Variants in CDH23 observed in about 807,000 individuals in gnomAD.
The protein encoded by CDH23 is cadherin-23.
CDH23 carries 189 observed loss-of-function variants against 317.1 expected under a neutral mutation model. That is an observed-to-expected ratio of 0.60 (90% CI 0.53 to 0.67). The LOEUF is 0.67. CDH23 is among the 30% of genes least tolerant of loss of function. The pLI is 0.00. For missense variants in CDH23, 4,401 were observed against 4,592.4 expected, an observed-to-expected ratio of 0.96 and a Z score of 1.20; for synonymous variants, 1,839 against 1,876.8, an observed-to-expected ratio of 0.98 and a Z score of 0.52.
intron 38 of CDH23, chr10:71,750,042 C>A (rs1267376416): frequency 1.3e-5 from 2 of 152,384 alleles, no homozygotes; most frequent in African/African-American, 4.8e-5. Flanking sequence ...CCCTGTTTTA[C>A]CCCCAGAGTG....
At position 71,702,173 on chromosome 10, in the gene CDH23, C is replaced by T. The variant is rs1404916911; in HGVS notation, c.2549C>T (p.Ala850Val). The change falls in exon 23 of 70, where the codon GCC (alanine) becomes GTC (valine). Residue 850 changes from alanine (A) to valine (V), a missense_variant. By Grantham distance (64) the Ala-to-Val change is moderately conservative (BLOSUM62 0). Coordinates refer to ENST00000224721, the MANE Select transcript of CDH23 (RefSeq NM_022124.6). ...CGGGAGAACCCCGACCCCCATGAGG[C>T]CGAGCTGATGCGCAAAATCGTCGTC... is the stretch of plus-strand genomic sequence containing the variant. ...LDRENPDPHEAELMRKIVVSV... is the reference protein window; with the variant it reads ...LDRENPDPHEVELMRKIVVSV... 5 of 1,613,736 alleles carry T rather than the reference C, an allele frequency of 3.1e-6. No homozygotes were observed. In the Admixed American group the frequency reaches 8.3e-5, roughly 27 times the overall value.
In CDH23 at chr10:71,739,733, G is replaced by T. The variant is rs922475771; in HGVS notation, c.4449G>T (p.Arg1483Ser). 3.7e-6 allele frequency: 6 copies of T among 1,613,194 alleles called. No individual in the cohort carries two copies. The highest frequency in any genetic ancestry group is 5.1e-6 in the Non-Finnish European group (6 of 1,179,626). ...CCATTGGCGAAGTGTTTGTGGCCAG[G>T]CCCCTGGACAGAGAAGAGCTGGATC... is the stretch of plus-strand genomic sequence containing the variant. The part of the protein sequence containing the change: ...NDSIGEVFVA[R>S]PLDREELDHY... Residue 1483 changes from arginine (R) to serine (S), a missense_variant, in exon 36 of 70, where the codon AGG becomes AGT. Arg to Ser is a moderately radical substitution (Grantham distance 110, BLOSUM62 -1). Around this residue, in one of 3 missense-constraint regions of CDH23, gnomAD observed 3,068 missense variants for 3,203.3 expected, o/e 0.96. Coordinates refer to ENST00000224721, the MANE Select transcript of CDH23 (RefSeq NM_022124.6).
At chr10:71,614,722 G>A (rs1161082241) in intron 9 of CDH23, among the ~76,000 whole-genome samples, 1 of 152,204 alleles carries the variant, frequency 6.6e-6, no homozygotes, top group Non-Finnish European at 1.5e-5. Flanking sequence ...GGCAGAGGAT[G>A]AGGACAAGAG....
chr10:71,807,381 C>T lies in CDH23; in HGVS notation c.8283C>T (p.Asn2761=), dbSNP rs397517357. The part of the protein sequence containing the change: ...TGAVDADEGP[N]AIVYYFIAAG... ...CAGTGGATGCAGATGAGGGCCCCAA[C>T]GCGATCGTGTACTACTTCATCGCAG... Residue 2761 remains asparagine, a synonymous_variant, in exon 58 of 70, where the codon AAC becomes AAT. Coordinates refer to ENST00000224721, the MANE Select transcript of CDH23 (RefSeq NM_022124.6). The T allele has an allele frequency of 6.2e-6, 10 of 1,613,794 alleles. No individual in the cohort carries two copies. Among genetic ancestry groups the T allele is most frequent in the South Asian group, 1.1e-5 (1 of 91,072 alleles).
chr10:71,639,510 C>A (rs1354714682), intron 11 of CDH23, among the ~76,000 whole-genome samples: 1 of 152,200 alleles, frequency 6.6e-6, no homozygotes, highest in Non-Finnish European at 1.5e-5. Context: ...CCTGGCATCG[C>A]ACTTGGAGCA....
At chr10:71,796,163 T>G in intron 48 of CDH23, 4 of 876,628 alleles carry the variant, frequency 4.6e-6, no homozygotes, top group Non-Finnish European at 4.1e-6. Context: ...GAATCTCAGA[T>G]ACCCCTGTAC....
rs1296273359 is a variant in CDH23 at position 71,530,030 on chromosome 10, T to TAC, written c.429+18820_429+18821dup. Among the ~76,000 whole-genome samples, 337 of 71,106 alleles carry TAC rather than the reference T, an allele frequency of 4.7e-3. 1 individual carries two copies. Among genetic ancestry groups the TAC allele is most frequent in the African/African-American group, 0.022 (319 of 14,540 alleles). 46.6% of individuals were successfully genotyped at this position (71,106 alleles called of 152,430 possible). On this transcript the variant is annotated intron_variant, in intron 6 of 69. Transcript: ENST00000224721. Reference sequence around the variant, plus strand: ...TCAGGCATTTGCACACATACACACATACAGACACACACACACACACACACA... The same window carrying TAC: ...TCAGGCATTTGCACACATACACACATACACAGACACACACACACACACACACA...
chr10:71,720,618 C>T (rs1439101319), intron 28 of CDH23, among the ~76,000 whole-genome samples: 2 of 152,206 alleles, frequency 1.3e-5, no homozygotes, highest in African/African-American at 4.8e-5. Context: ...GAGCCTCAGA[C>T]CCATTCCCTT....
chr10:71,406,246 A>G (rs1468592281), intron 1 of CDH23, among the ~76,000 whole-genome samples: 1 of 152,176 alleles, frequency 6.6e-6, no homozygotes, highest in East Asian at 1.9e-4. Flanking sequence ...AGGGAGTGAC[A>G]CAGCCTAGAA....
At chr10:71,773,503 G>A (rs1354210147) in intron 38 of CDH23, 14 of 1,497,110 alleles carry the variant, frequency 9.4e-6, no homozygotes, top group Non-Finnish European at 1.1e-5. Context: ...GGCCGGCGCG[G>A]GGAAGCCTCC....
intron 34 of CDH23, 78 bp downstream of exon 34, chr10:71,734,736 C>G: frequency 1.1e-6 from 1 of 923,518 alleles, no homozygotes; most frequent in South Asian, 1.3e-5. Flanking sequence ...TGGCCCTGGA[C>G]CTTCCCACCT....
At chr10:71,587,691 A>C (rs1221793731) in intron 9 of CDH23, among the ~76,000 whole-genome samples, 1 of 152,194 alleles carries the variant, frequency 6.6e-6, no homozygotes, top group Admixed American at 6.5e-5. Context: ...CCACCTCAGA[A>C]AAGGTCTCCA....
At chr10:71,713,113 G>C in intron 28 of CDH23, 1 of 774,222 alleles carries the variant, frequency 1.3e-6, no homozygotes, top group South Asian at 1.4e-5. Flanking sequence ...CAGAGTAGCG[G>C]GGAGAAAGAG....
chr10:71,784,358 A>G lies in CDH23; in HGVS notation c.5440A>G (p.Ile1814Val). 6.2e-7 allele frequency: 1 copy of G among 1,613,960 alleles called. No homozygotes were observed. Among genetic ancestry groups the G allele is most frequent in the Non-Finnish European group, 8.5e-7 (1 of 1,179,852 alleles). ...RKDVELDRET[I>V]AFYNLTICAR... ...GGACGTGGAGCTGGACCGGGAGACCATCGCCTTCTACAACCTGACCATCTG... is the reference window on the plus strand; with the variant it reads ...GGACGTGGAGCTGGACCGGGAGACCGTCGCCTTCTACAACCTGACCATCTG... The change falls in exon 42 of 70, where the codon ATC (isoleucine) becomes GTC (valine). Residue 1814 changes from isoleucine (I) to valine (V), a missense_variant. This residue lies in a region of CDH23 where 3,068 missense variants were observed against 3,203.3 expected (regional missense o/e 0.96). Transcript: ENST00000224721.
rs945983865 is a variant in CDH23 at position 71,785,073 on chromosome 10, C to T, written c.5685C>T (p.Arg1895=). Residue 1895 remains arginine (R), a synonymous_variant, in exon 43 of 70, where the codon CGC becomes CGT. Coordinates refer to ENST00000224721, the MANE Select transcript of CDH23 (RefSeq NM_022124.6). ...RLTFNITAGN[R]ERAFFINATT... Reference sequence around the variant, plus strand: ...CCTTCAACATCACTGCGGGCAACCGCGAGCGGGCCTTCTTCATCAATGCCA... The same window carrying T: ...CCTTCAACATCACTGCGGGCAACCGTGAGCGGGCCTTCTTCATCAATGCCA... 1.8e-5 allele frequency: 29 copies of T among 1,613,922 alleles called. No homozygotes were observed. Among genetic ancestry groups the T allele is most frequent in the Admixed American group, 1.0e-4 (6 of 60,018 alleles).
At chr10:71,715,833 G>C (rs1280442440) in intron 28 of CDH23, 2 of 1,199,180 alleles carry the variant, frequency 1.7e-6, no homozygotes, top group East Asian at 2.9e-5. Flanking sequence ...GTCCCAGACT[G>C]CTTGGGCCAC....
At chr10:71,761,784 T>C in intron 38 of CDH23, 1 of 1,613,076 alleles carries the variant, frequency 6.2e-7, no homozygotes, top group Non-Finnish European at 8.5e-7. Flanking sequence ...TCGTGGCTGG[T>C]GTTGGCAGCC....
At chr10:71,545,284 C>T (rs1317912465) in intron 6 of CDH23, among the ~76,000 whole-genome samples, 2 of 152,182 alleles carry the variant, frequency 1.3e-5, no homozygotes, top group African/African-American at 2.4e-5. Flanking sequence ...GACAGAGCAG[C>T]TGTCCCTGCC....
At chr10:71,701,960 CCAG>C in intron 22 of CDH23, 59 bp from the exon 23 acceptor site, 1 of 1,561,468 alleles carries the variant, frequency 6.4e-7, no homozygotes, top group African/African-American at 1.4e-5. Flanking sequence ...ATACTCCCGG[CCAG>C]CCCAGAGACA....
Sources: gnomAD v4.1 joint callset for allele counts (sites outside exome capture counted in the v4.1 genomes callset) on GRCh38, gnomAD v4.1.1 for gene constraint, gnomAD v4.1.1 regional missense constraint, MANE v1.5 for transcripts, NCBI Gene and HGNC (gene_info 2026-07-23, HGNC 2026-07-21) for gene names.